The following RNF150 variants were observed in gnomAD, a reference collection of about 807,000 sequenced individuals.
RNF150 encodes the protein ring finger protein 150.
RNF150 carries 24 observed loss-of-function variants against 39.3 expected under a neutral mutation model. The observed-to-expected ratio is 0.61, with a 90% CI of 0.44 to 0.86. RNF150 has a LOEUF of 0.86. Among genes scored for constraint, RNF150 ranks in the 40% least tolerant of loss-of-function variants. The pLI, the probability that RNF150 is intolerant of heterozygous loss-of-function variation, is 0.00. For synonymous variants in RNF150, 255 were observed against 227.3 expected (o/e 1.12, Z -1.10); for missense variants, 502 against 587.8 (o/e 0.85, Z 1.51).
chr4:140,969,756 C>CTTTTT (rs70946718), intron 1 of RNF150, among the ~76,000 whole-genome samples: 42 of 75,958 alleles, frequency 5.5e-4, no homozygotes, highest in Non-Finnish European at 7.7e-4. Flanking sequence ...ACAAGTTTTA[C>CTTTTT]TTTTTTTTTT....
intron 1 of RNF150, among the ~76,000 whole-genome samples, chr4:141,024,157 C>G (rs1482802348): frequency 6.6e-6 from 1 of 152,070 alleles, no homozygotes; most frequent in Non-Finnish European, 1.5e-5. Flanking sequence ...TACAGCTTGT[C>G]AGATACTCAA....
chr4:141,159,438 A>G (rs745681532), intron 1 of RNF150, among the ~76,000 whole-genome samples: 4 of 152,184 alleles, frequency 2.6e-5, no homozygotes, highest in East Asian at 1.9e-4. Flanking sequence ...AGTTTTGTAC[A>G]TAGCTCACAA....
intron 1 of RNF150, among the ~76,000 whole-genome samples, chr4:141,103,377 A>G (rs1343266160): frequency 1.3e-5 from 2 of 152,210 alleles, no homozygotes; most frequent in African/African-American, 4.8e-5. Context: ...AACAGAAATA[A>G]TAAGTAACAA....
At chr4:141,026,480 T>C (rs1286312850) in intron 1 of RNF150, among the ~76,000 whole-genome samples, 1 of 152,144 alleles carries the variant, frequency 6.6e-6, no homozygotes, top group African/African-American at 2.4e-5. Flanking sequence ...ACACAGGGGC[T>C]CCCAACCTGA....
At chr4:141,190,296 A>C (rs1728088743) in intron 1 of RNF150, among the ~76,000 whole-genome samples, 1 of 152,184 alleles carries the variant, frequency 6.6e-6, no homozygotes, top group African/African-American at 2.4e-5. Flanking sequence ...TCCCCCAATC[A>C]GTCGATTTTA....
intron 1 of RNF150, among the ~76,000 whole-genome samples, chr4:141,006,262 G>T (rs922526596): frequency 6.8e-6 from 1 of 147,234 alleles, no homozygotes; most frequent in East Asian, 2.0e-4. Context: ...ACATATATAC[G>T]TATATATATA....
At chr4:140,949,570 C>A (rs1732461991) in intron 2 of RNF150, among the ~76,000 whole-genome samples, 198 bp from the exon 3 acceptor site, 2 of 152,114 alleles carry the variant, frequency 1.3e-5, no homozygotes, top group Admixed American at 1.3e-4. Context: ...TAAAAGACTT[C>A]TGCCATAGAG....
intron 1 of RNF150, among the ~76,000 whole-genome samples, chr4:141,096,029 C>A (rs1295972553): frequency 6.6e-6 from 1 of 152,018 alleles, no homozygotes; most frequent in African/African-American, 2.4e-5. Context: ...CAGTTACCTA[C>A]TTCTATGATG....
chr4:141,048,896 A>G (rs1736679202), intron 1 of RNF150, among the ~76,000 whole-genome samples: 1 of 152,212 alleles, frequency 6.6e-6, no homozygotes, highest in African/African-American at 2.4e-5. Context: ...TGAAGCCAAC[A>G]TAATACTTCT....
intron 1 of RNF150, among the ~76,000 whole-genome samples, chr4:141,036,635 C>T (rs1396649718): frequency 1.3e-5 from 2 of 152,128 alleles, no homozygotes; most frequent in African/African-American, 4.8e-5. Context: ...TACGCCAAAG[C>T]ATCAGTGGGC....
chr4:140,868,485 A>G (rs1325222302), intron 6 of RNF150, 106 bp from the exon 7 acceptor site: 2 of 701,326 alleles, frequency 2.9e-6, no homozygotes, highest in Admixed American at 4.8e-5. Flanking sequence ...GGCCAAGAGA[A>G]GGTATTAGAA....
At chr4:141,114,547 G>T (rs1578743856) in intron 1 of RNF150, among the ~76,000 whole-genome samples, 1 of 152,278 alleles carries the variant, frequency 6.6e-6, no homozygotes, top group Admixed American at 6.5e-5. Flanking sequence ...GGACCAGACG[G>T]ATTCACAGCC....
At chr4:140,993,260 A>G (rs1734257998) in intron 1 of RNF150, among the ~76,000 whole-genome samples, 1 of 152,188 alleles carries the variant, frequency 6.6e-6, no homozygotes, top group African/African-American at 2.4e-5. Context: ...GCTTCTAGAA[A>G]TGGCCCACAT....
At position 141,099,415 on chromosome 4, in the gene RNF150, A is replaced by C. The variant is rs138619995; in HGVS notation, c.484+32910T>G. 6.1e-4 allele frequency among the ~76,000 whole-genome samples: 93 copies of C among 152,286 alleles called. 1 individual carries two copies. The highest frequency in any genetic ancestry group is 2.0e-3 in the African/African-American group (82 of 41,558). On this transcript the variant is annotated intron_variant, in intron 1 of 6. Transcript: ENST00000515673. ...AAGGCATTTTTCTGGCTCAGAAAGCAGAAAAAGAAAGAGAAGAGACAGGGA... is the reference window on the plus strand; with the variant it reads ...AAGGCATTTTTCTGGCTCAGAAAGCCGAAAAAGAAAGAGAAGAGACAGGGA...
chr4:141,073,037 G>A (rs1003915617), intron 1 of RNF150, among the ~76,000 whole-genome samples: 4 of 151,988 alleles, frequency 2.6e-5, no homozygotes, highest in African/African-American at 7.3e-5. Context: ...CATTATCTGT[G>A]ATCCCTCAGG....
intron 6 of RNF150, among the ~76,000 whole-genome samples, chr4:140,902,250 A>C (rs1027838416): frequency 6.6e-6 from 1 of 152,218 alleles, no homozygotes; most frequent in Non-Finnish European, 1.5e-5. Context: ...TGTTTCACTA[A>C]GGAGGACAAT....
chr4:141,048,969 C>A (rs546149010), intron 1 of RNF150, among the ~76,000 whole-genome samples: 1 of 152,226 alleles, frequency 6.6e-6, no homozygotes, highest in South Asian at 2.1e-4. Context: ...GAGCAGCAGT[C>A]AGGCCTGATG....
intron 1 of RNF150, among the ~76,000 whole-genome samples, chr4:140,984,911 T>C (rs1733973345): frequency 6.6e-6 from 1 of 152,164 alleles, no homozygotes; most frequent in East Asian, 1.9e-4. Context: ...TGATAACATA[T>C]GATTTATTGG....
chr4:140,947,362 G>T (rs775150512), intron 4 of RNF150, among the ~76,000 whole-genome samples: 3 of 152,110 alleles, frequency 2.0e-5, no homozygotes, highest in Non-Finnish European at 4.4e-5. Flanking sequence ...AAGAAAACTT[G>T]TACTTGGCGG....
Sources: allele counts gnomAD v4.1 joint callset (sites outside exome capture counted in the v4.1 genomes callset), GRCh38; gene constraint gnomAD v4.1.1; transcripts MANE v1.5; gene names NCBI Gene and HGNC (gene_info 2026-07-23, HGNC 2026-07-21).